Variants in TEX29 observed in about 807,000 individuals in gnomAD.
TEX29 encodes the protein testis-expressed protein 29.
Under a neutral mutation model 18.2 loss-of-function variants are expected in TEX29, and 26 were observed. The ratio of observed to expected loss-of-function variants is 1.43; its 90% CI spans 1.04 to 1.98. The LOEUF (loss-of-function observed/expected upper bound fraction) is 1.98. Ranked by LOEUF, TEX29 falls within the 30% of genes most tolerant of loss-of-function variation. The probability of loss-of-function intolerance (pLI) is 0.00; values close to 1 mark genes in which losing one functional copy is unlikely to be tolerated. For missense variants in TEX29, 177 were observed against 194.2 expected (o/e 0.91, Z 0.53); for synonymous variants, 83 against 78.5 (o/e 1.06, Z -0.31).
In TEX29 at chr13:111,320,771, A is replaced by T. The variant is rs2093662642; in HGVS notation, c.-35+9A>T. 1 of 1,242,736 alleles carries T rather than the reference A, an allele frequency of 8.0e-7. No individual in the cohort carries two copies. The highest frequency in any genetic ancestry group is 1.2e-5 in the South Asian group (1 of 82,490). The allele number at this position is 1,242,736 out of a possible 1,614,324, so 77.0% of individuals were successfully genotyped here. The stretch of plus-strand genomic sequence containing the variant: ...TGGGATGTGAGGCGCAGGTGAGTCG[A>T]TGAACGCCCCCTCCTGGTGTGAGCC... On this transcript the variant is annotated intron_variant, in intron 1 of 5. Coordinates refer to ENST00000283547, the MANE Select transcript of TEX29 (RefSeq NM_152324.3).
chr13:111,326,680 A>G (rs1222316578), intron 2 of TEX29, among the ~76,000 whole-genome samples: 1 of 116,694 alleles, frequency 8.6e-6, no homozygotes, highest in Non-Finnish European at 1.8e-5. Context: ...GACTGCGGGC[A>G]ACGTGAGCCT....
intron 2 of TEX29, among the ~76,000 whole-genome samples, chr13:111,322,923 C>T (rs2093667096): frequency 6.6e-6 from 1 of 152,270 alleles, no homozygotes; most frequent in Admixed American, 6.5e-5. Flanking sequence ...AACCTTTAGC[C>T]ACAGTGGCTG....
chr13:111,343,009 G>A, intron 5 of TEX29, 78 bp downstream of exon 5: 1 of 1,529,608 alleles, frequency 6.5e-7, no homozygotes, highest in Non-Finnish European at 8.9e-7. Flanking sequence ...TCCCTGGGAA[G>A]GGGCTCAACA....
At chr13:111,323,365 C>T (rs2093667862) in intron 2 of TEX29, among the ~76,000 whole-genome samples, 1 of 152,240 alleles carries the variant, frequency 6.6e-6, no homozygotes, top group Non-Finnish European at 1.5e-5. Context: ...TGTGTGGGGC[C>T]ACTCAGCCCT....
chr13:111,322,213 G>T (rs2093665893), intron 2 of TEX29, among the ~76,000 whole-genome samples: 1 of 152,268 alleles, frequency 6.6e-6, no homozygotes, highest in African/African-American at 2.4e-5. Context: ...TGGACAGGAA[G>T]AGGGGTGTCC....
chr13:111,316,382 G>A, upstream of TEX29: 2 of 434,532 alleles, frequency 4.6e-6, no homozygotes, highest in South Asian at 3.3e-5. Flanking sequence ...AGCCCCCGCT[G>A]TCTGCCCTGA....
In TEX29 at chr13:111,321,570, T is replaced by A. The variant is rs1188964347; in HGVS notation, c.58+622T>A. Among the ~76,000 whole-genome samples the A allele has an allele frequency of 5.3e-5, 8 of 152,158 alleles. No homozygotes were observed. In the East Asian group the frequency reaches 1.5e-3, roughly 29 times the overall value. ...GTTTACCTGCTACTTGAATGTTTTT[T>A]TCTCAATGGATCTTGTGTTCATGCA... On this transcript the variant is annotated intron_variant, in intron 2 of 5. Coordinates refer to ENST00000283547, the MANE Select transcript of TEX29 (RefSeq NM_152324.3).
chr13:111,344,023 C>A (rs2093700841), intron 5 of TEX29, 60 bp from the exon 6 acceptor site: 1 of 1,421,560 alleles, frequency 7.0e-7, no homozygotes, highest in Non-Finnish European at 9.9e-7. Flanking sequence ...CTGATGAAAT[C>A]TTTTCGGGAC....
At chr13:111,324,086 TCTGGGCCCG>T (rs2093668975) in intron 2 of TEX29, among the ~76,000 whole-genome samples, 1 of 152,186 alleles carries the variant, frequency 6.6e-6, no homozygotes, top group Non-Finnish European at 1.5e-5. Flanking sequence ...GGGTGTGCAG[TCTGGGCCCG>T]CTGAAGGTCC....
chr13:111,342,339 C>T (rs1009607878), intron 4 of TEX29, among the ~76,000 whole-genome samples: 4 of 152,136 alleles, frequency 2.6e-5, no homozygotes, highest in Non-Finnish European at 4.4e-5. Context: ...TCCCCCTGCC[C>T]GGAGCTGTCT....
chr13:111,337,976 C>T (rs1214225272), intron 3 of TEX29, among the ~76,000 whole-genome samples: 1 of 152,154 alleles, frequency 6.6e-6, no homozygotes. Flanking sequence ...GCTTCAATCC[C>T]CTCTCAGTTT....
Position 111,320,777 on chromosome 13 carries a change from G to GC in TEX29, c.-35+20dup. On this transcript the variant is annotated intron_variant, in intron 1 of 5. Transcript: ENST00000283547. ...GTGAGGCGCAGGTGAGTCGATGAAC[G>GC]CCCCCTCCTGGTGTGAGCCGCCCGC... 1 of 1,290,034 alleles carries GC rather than the reference G, an allele frequency of 7.8e-7. No homozygotes were observed. Among genetic ancestry groups the GC allele is most frequent in the African/African-American group, 1.5e-5 (1 of 68,610 alleles). 79.9% of individuals were successfully genotyped at this position (1,290,034 alleles called of 1,614,324 possible).
At chr13:111,325,443 G>C (rs577320867) in intron 2 of TEX29, among the ~76,000 whole-genome samples, 9 of 152,198 alleles carry the variant, frequency 5.9e-5, no homozygotes, top group Admixed American at 4.6e-4. Flanking sequence ...GATGTTTCTA[G>C]AGGGAGCAGG....
upstream of TEX29, chr13:111,320,586 G>T (rs2093662272): frequency 2.0e-6 from 1 of 494,778 alleles, no homozygotes; most frequent in South Asian, 2.2e-5. Flanking sequence ...ACCTCATGAG[G>T]CTGTGTGATG....
In TEX29 at chr13:111,335,552, T is replaced by C. The variant is rs573361444; in HGVS notation, c.170-4311T>C. Among the ~76,000 whole-genome samples, 21 of 152,368 alleles carry C rather than the reference T, an allele frequency of 1.4e-4. No individual in the cohort carries two copies. In the South Asian group the frequency reaches 3.3e-3, roughly 24 times the overall value. The stretch of plus-strand genomic sequence containing the variant: ...TGAGGTTTGCTGCTCACGTTGCACA[T>C]GCAGAGAGCAGCAGATGCTCACAGT... On this transcript the variant is annotated intron_variant, in intron 3 of 5. Coordinates refer to ENST00000283547, the MANE Select transcript of TEX29 (RefSeq NM_152324.3).
At chr13:111,328,141 T>C (rs775173140) in intron 2 of TEX29, 42 bp from the exon 3 acceptor site, 2 of 1,370,248 alleles carry the variant, frequency 1.5e-6, no homozygotes, top group South Asian at 2.3e-5. Context: ...AGAGTGGCTT[T>C]GTTTTCGGGG....
At chr13:111,322,321 G>A (rs775268700) in intron 2 of TEX29, among the ~76,000 whole-genome samples, 6 of 149,918 alleles carry the variant, frequency 4.0e-5, no homozygotes, top group South Asian at 2.2e-4. Flanking sequence ...TCTTGTGGAC[G>A]GCTGGGGTGG....
At chr13:111,320,602 G>A (rs2093662293), upstream of TEX29, 3 of 516,406 alleles carry the variant, frequency 5.8e-6, no homozygotes, top group East Asian at 3.4e-5. Flanking sequence ...TGATGTCACA[G>A]CGGGCGGGGT....
intron 3 of TEX29, among the ~76,000 whole-genome samples, chr13:111,335,282 C>T (rs1209168422): frequency 6.6e-6 from 1 of 152,198 alleles, no homozygotes; most frequent in Non-Finnish European, 1.5e-5. Flanking sequence ...AGTCCATTAT[C>T]CTTCACCTGA....
Sources: allele counts gnomAD v4.1 joint callset (sites outside exome capture counted in the v4.1 genomes callset), GRCh38; gene constraint gnomAD v4.1.1; transcripts MANE v1.5; gene names NCBI Gene and HGNC (gene_info 2026-07-23, HGNC 2026-07-21).